Variants in SEMA6D observed in about 807,000 individuals in gnomAD.
SEMA6D encodes the protein semaphorin-6D.
A neutral mutation model predicts 106.6 loss-of-function variants in SEMA6D; 35 were observed. The ratio of observed to expected loss-of-function variants is 0.33; its 90% confidence interval spans 0.25 to 0.44. The LOEUF (loss-of-function observed/expected upper bound fraction) is 0.44. Among genes scored for constraint, SEMA6D ranks in the 20% least tolerant of loss-of-function variants. The probability of loss-of-function intolerance (pLI) is 1.00; values close to 1 mark genes in which losing one functional copy is unlikely to be tolerated. For missense variants in SEMA6D, 1,185 were observed against 1,345.9 expected, an observed-to-expected ratio of 0.88 and a Z score of 1.87; for synonymous variants, 499 against 487.7, an observed-to-expected ratio of 1.02 and a Z score of -0.31.
At chr15:47,593,547 A>G (rs1310539029) in intron 3 of SEMA6D, among the ~76,000 whole-genome samples, 5 of 152,120 alleles carry the variant, frequency 3.3e-5, no homozygotes, top group Admixed American at 6.5e-5. Flanking sequence ...TCAGAAAAAA[A>G]AAAGCTTCAA....
intron 1 of SEMA6D, among the ~76,000 whole-genome samples, chr15:47,281,135 G>T (rs1316192626): frequency 3.7e-5 from 4 of 108,262 alleles, no homozygotes; most frequent in African/African-American, 1.4e-4. Context: ...GGGTGTTAAA[G>T]TCTCCCATTA....
At position 47,773,701 on chromosome 15, in the gene SEMA6D, G is replaced by A. The variant is rs2082728295; in HGVS notation, c.*1916G>A. 1 of 152,594 alleles carries A rather than the reference G, an allele frequency of 6.6e-6. No individual in the cohort carries two copies. Among genetic ancestry groups the A allele is most frequent in the Non-Finnish European group, 1.5e-5 (1 of 68,032 alleles). The allele number at this position is 152,594 out of a possible 1,614,324, so 9.5% of individuals were successfully genotyped here. A position where few individuals can be genotyped will look rare whatever the true frequency, so the allele number is the denominator to read the frequency against. On this transcript the variant is annotated 3_prime_UTR_variant, in exon 19 of 19. Coordinates refer to ENST00000536845, the MANE Select transcript of SEMA6D (RefSeq NM_001358351.3). ...ACGTGATTTCCAGTGATCTCTGGAA[G>A]CGCTAAAGCTAAAATTTCTGTTCTT... is the stretch of plus-strand genomic sequence containing the variant.
chr15:47,552,897 T>TATATTTATATATATATATAA (rs1566883119), intron 3 of SEMA6D, among the ~76,000 whole-genome samples: 4 of 86,288 alleles, frequency 4.6e-5, no homozygotes, highest in African/African-American at 1.7e-4. Context: ...TATAAATATA[T>TATATTTATATATATATATAA]ATATATATAA....
intron 2 of SEMA6D, among the ~76,000 whole-genome samples, chr15:47,413,761 G>T (rs1239012935): frequency 3.3e-5 from 5 of 152,146 alleles, no homozygotes; most frequent in Non-Finnish European, 7.4e-5. Flanking sequence ...GGGATTACAG[G>T]GGTGAGCCAC....
intron 1 of SEMA6D, among the ~76,000 whole-genome samples, chr15:47,336,290 G>A (rs1179507007): frequency 6.6e-6 from 1 of 152,178 alleles, no homozygotes; most frequent in Admixed American, 6.5e-5. Context: ...TAAAACAGAA[G>A]GCCTGTAAAC....
At chr15:47,555,603 G>A (rs544764659) in intron 3 of SEMA6D, among the ~76,000 whole-genome samples, 8 of 152,128 alleles carry the variant, frequency 5.3e-5, no homozygotes, top group African/African-American at 1.7e-4. Context: ...GTGGTGGTGG[G>A]GAGTCTCCTA....
In SEMA6D at chr15:47,562,438, A is replaced by G. The variant is rs995773317; in HGVS notation, c.-86-38427A>G. On this transcript the variant is annotated intron_variant, in intron 3 of 19. Coordinates refer to the SEMA6D transcript ENST00000558014. ...TTAAAAGCCATAAAAAGCTTGACAAATAGGATTTATTAAAATTAATAACTT... is the reference window on the plus strand; with the variant it reads ...TTAAAAGCCATAAAAAGCTTGACAAGTAGGATTTATTAAAATTAATAACTT... Among the ~76,000 whole-genome samples the G allele has an allele frequency of 3.9e-4, 60 of 152,192 alleles. 1 individual carries two copies. Among genetic ancestry groups the G allele is most frequent in the Admixed American group, 3.9e-3 (60 of 15,290 alleles).
chr15:47,444,919 A>G (rs1259490465), intron 2 of SEMA6D, among the ~76,000 whole-genome samples: 20 of 152,084 alleles, frequency 1.3e-4, no homozygotes, highest in Admixed American at 1.3e-3. Context: ...AAATCAGGTC[A>G]CACACGGACT....
intron 2 of SEMA6D, among the ~76,000 whole-genome samples, chr15:47,430,417 T>C (rs995545154): frequency 2.0e-5 from 3 of 151,958 alleles, no homozygotes; most frequent in Non-Finnish European, 4.4e-5. Flanking sequence ...TTTTCCTTCT[T>C]TGGCATCTTA....
chr15:47,253,543 A>G (rs1356048283), intron 1 of SEMA6D, among the ~76,000 whole-genome samples: 3 of 152,172 alleles, frequency 2.0e-5, no homozygotes, highest in African/African-American at 7.2e-5. Flanking sequence ...GTATAAGGTA[A>G]GAAATAAGGG....
intron 1 of SEMA6D, among the ~76,000 whole-genome samples, chr15:47,247,075 A>C (rs1199001155): frequency 6.6e-6 from 1 of 152,214 alleles, no homozygotes; most frequent in African/African-American, 2.4e-5. Context: ...TTATATAACT[A>C]GACCTTTGCT....
At chr15:47,238,966 C>T (rs78002499) in intron 1 of SEMA6D, among the ~76,000 whole-genome samples, 1,696 of 152,314 alleles carry the variant, frequency 0.011, 30 homozygotes, top group African/African-American at 0.037. Flanking sequence ...GATCTGCAAG[C>T]CACAGGCCAT....
chr15:47,764,322 A>G lies in SEMA6D; in HGVS notation c.1097+17A>G. ...AAAGCCAAGGTAAATAAAAAAGTAG[A>G]AAAGGGTTTTGTCTTGAACAAAACC... On this transcript the variant is annotated intron_variant, in intron 11 of 18. Transcript: ENST00000536845. 2 of 1,609,058 alleles carry G rather than the reference A, an allele frequency of 1.2e-6. No homozygotes were observed. Among genetic ancestry groups the G allele is most frequent in the East Asian group, 2.2e-5 (1 of 44,782 alleles).
At chr15:47,242,332 T>G (rs2141787940) in intron 1 of SEMA6D, among the ~76,000 whole-genome samples, 1 of 152,286 alleles carries the variant, frequency 6.6e-6, no homozygotes, top group East Asian at 1.9e-4. Flanking sequence ...CATTTTTGCC[T>G]GATTATCTGA....
rs201942481 is a variant in SEMA6D, at chr15:47,764,912, A to G, written c.1283A>G (p.His428Arg). The part of the protein sequence containing the change: ...RYRLTAISVD[H>R]SAGPYQNYTV... ...AGACTGACGGCCATCTCAGTGGACC[A>G]TTCAGCCGGACCCTACCAGAACTAC... Residue 428 changes from histidine to arginine, a missense_variant, in exon 13 of 19, where the codon CAT becomes CGT. By Grantham distance (29) the His-to-Arg change is conservative (BLOSUM62 0). Transcript: ENST00000536845. 152 of 1,613,788 alleles carry G rather than the reference A, an allele frequency of 9.4e-5. No individual in the cohort carries two copies. The highest frequency in any genetic ancestry group is 1.2e-4 in the Non-Finnish European group (147 of 1,179,882).
chr15:47,596,693 T>C (rs2076543023), intron 3 of SEMA6D, among the ~76,000 whole-genome samples: 1 of 152,122 alleles, frequency 6.6e-6, no homozygotes, highest in Non-Finnish European at 1.5e-5. Context: ...GACAGTGGCT[T>C]TAACAAAGAG....
chr15:47,661,725 G>A (rs755040983), intron 4 of SEMA6D, among the ~76,000 whole-genome samples: 19 of 152,214 alleles, frequency 1.2e-4, no homozygotes, highest in Admixed American at 1.0e-3. Flanking sequence ...AAGCAAAACC[G>A]CGTTGCCTAG....
intron 1 of SEMA6D, among the ~76,000 whole-genome samples, chr15:47,395,373 T>C (rs1293118013): frequency 1.3e-5 from 2 of 152,178 alleles, no homozygotes; most frequent in Non-Finnish European, 2.9e-5. Flanking sequence ...AATGAAATAG[T>C]CTAATCCTAT....
chr15:47,263,365 A>G (rs893340067), intron 1 of SEMA6D, among the ~76,000 whole-genome samples: 3 of 152,178 alleles, frequency 2.0e-5, no homozygotes, highest in South Asian at 4.2e-4. Context: ...AAAAAACACA[A>G]TCCCATAAAT....
Sources: allele counts gnomAD v4.1 joint callset (sites outside exome capture counted in the v4.1 genomes callset), GRCh38; gene constraint gnomAD v4.1.1; transcripts MANE v1.5; gene names NCBI Gene and HGNC (gene_info 2026-07-23, HGNC 2026-07-21).